PLEKHA7: variants seen among roughly 807,000 people sequenced by gnomAD.
PLEKHA7 encodes the protein pleckstrin homology domain containing A7, also known as pleckstrin homology domain-containing family A member 7.
Under a neutral mutation model 170.0 loss-of-function variants are expected in PLEKHA7, and 104 were observed. The ratio of observed to expected loss-of-function variants is 0.61; its 90% CI spans 0.52 to 0.72. The LOEUF is 0.72. Ranked by LOEUF, PLEKHA7 falls within the 30% of genes least tolerant of loss-of-function variation. PLEKHA7 has a pLI of 0.00. For synonymous variants in PLEKHA7, 648 were observed against 660.8 expected (o/e 0.98, Z 0.30); for missense variants, 1,615 against 1,671.7 (o/e 0.97, Z 0.59).
intron 3 of PLEKHA7, among the ~76,000 whole-genome samples, chr11:16,935,984 A>G (rs17773188): frequency 0.012 from 1,845 of 152,330 alleles, 20 homozygotes; most frequent in Non-Finnish European, 0.018. Context: ...ACTGCCTTCT[A>G]ATATTTTGAA....
chr11:16,840,101 C>T (rs1026345458), intron 9 of PLEKHA7, among the ~76,000 whole-genome samples: 1 of 152,186 alleles, frequency 6.6e-6, no homozygotes, highest in African/African-American at 2.4e-5. Context: ...GAAGTAGAGC[C>T]AAAATTGACG....
chr11:16,909,808 T>C (rs927486784), intron 3 of PLEKHA7, among the ~76,000 whole-genome samples: 1 of 152,192 alleles, frequency 6.6e-6, no homozygotes, highest in Non-Finnish European at 1.5e-5. Context: ...TTAACCATGC[T>C]CCTCTCTGGG....
At chr11:16,963,555 T>G (rs888302058) in intron 3 of PLEKHA7, among the ~76,000 whole-genome samples, 3 of 152,054 alleles carry the variant, frequency 2.0e-5, no homozygotes, top group African/African-American at 7.2e-5. Context: ...GCTGCAACAC[T>G]GGAGCTGTCG....
chr11:16,826,115 C>T lies in PLEKHA7; in HGVS notation c.1343+5G>A. On this transcript the variant is annotated splice_donor_5th_base_variant and intron_variant, in intron 10 of 26. Coordinates refer to ENST00000531066, the MANE Select transcript of PLEKHA7 (RefSeq NM_001329630.2). ...ATAAGCAGCGATCCTGAGTCTATTACTCACCTCCTGCTATCCCCTTTCTGG... is the reference window on the plus strand; with the variant it reads ...ATAAGCAGCGATCCTGAGTCTATTATTCACCTCCTGCTATCCCCTTTCTGG... The T allele has an allele frequency of 6.2e-7, 1 of 1,612,382 alleles. No homozygotes were observed. Among genetic ancestry groups the T allele is most frequent in the South Asian group, 1.1e-5 (1 of 90,914 alleles).
intron 3 of PLEKHA7, among the ~76,000 whole-genome samples, chr11:16,873,068 C>T (rs999032996): frequency 2.6e-5 from 4 of 152,014 alleles, no homozygotes; most frequent in Non-Finnish European, 4.4e-5. Flanking sequence ...GGTAAAATTA[C>T]TGAATCAAAG....
rs530122914 is a variant in PLEKHA7 at position 16,838,216 on chromosome 11, G to A, written c.872+3331C>T. Among the ~76,000 whole-genome samples the A allele has an allele frequency of 1.3e-3, 205 of 152,246 alleles. 1 individual carries two copies. The highest frequency in any genetic ancestry group is 5.2e-3 in the South Asian group (25 of 4,818). ...GCAATTCCCTTAACAGGAAATACACGTGCCCATTGAGCTGGGCATGGTGGC... is the reference window on the plus strand; with the variant it reads ...GCAATTCCCTTAACAGGAAATACACATGCCCATTGAGCTGGGCATGGTGGC... On this transcript the variant is annotated intron_variant, in intron 9 of 26. Coordinates refer to ENST00000531066, the MANE Select transcript of PLEKHA7 (RefSeq NM_001329630.2).
At chr11:16,958,691 A>C (rs1214421788) in intron 3 of PLEKHA7, among the ~76,000 whole-genome samples, 2 of 152,200 alleles carry the variant, frequency 1.3e-5, no homozygotes, top group African/African-American at 4.8e-5. Context: ...AGAATGTAAG[A>C]CCTCAATAAT....
Position 16,851,226 on chromosome 11 carries a change from G to A in PLEKHA7, c.661C>T (p.Pro221Ser), listed in dbSNP as rs1198497265. 1.9e-6 allele frequency: 3 copies of A among 1,610,680 alleles called. No individual in the cohort carries two copies. In the Admixed American group the frequency reaches 5.0e-5, roughly 27 times the overall value. ...LPSYVISPVA[P>S]EDRISRKYSF... Reference sequence around the variant, plus strand: ...TATTTGCGGCTTATGCGATCCTCAGGGGCCACAGGAGAGATCACGTAGCTG... The same window carrying A: ...TATTTGCGGCTTATGCGATCCTCAGAGGCCACAGGAGAGATCACGTAGCTG... Residue 221 changes from proline (P) to serine (S), a missense_variant, in exon 8 of 27, where the codon CCT becomes TCT. By Grantham distance (74) the Pro-to-Ser change is moderately conservative. Transcript: ENST00000531066.
chr11:16,882,202 T>G (rs1855766326), intron 3 of PLEKHA7, among the ~76,000 whole-genome samples: 1 of 152,192 alleles, frequency 6.6e-6, no homozygotes, highest in African/African-American at 2.4e-5. Flanking sequence ...TTGTCCTGAG[T>G]CCACTTAGGA....
At chr11:16,974,584 A>C in intron 3 of PLEKHA7, 1 of 409,126 alleles carries the variant, frequency 2.4e-6, no homozygotes, top group Non-Finnish European at 3.8e-6. Flanking sequence ...CTGACATGGT[A>C]ATACTATTAA....
intron 3 of PLEKHA7, among the ~76,000 whole-genome samples, chr11:17,012,010 A>T (rs1416008413): frequency 1.3e-5 from 2 of 152,112 alleles, no homozygotes; most frequent in East Asian, 3.9e-4. Flanking sequence ...TCCTAAACAC[A>T]GCCTGAATGT....
chr11:16,918,768 C>T (rs1858874608), intron 3 of PLEKHA7, among the ~76,000 whole-genome samples: 1 of 152,188 alleles, frequency 6.6e-6, no homozygotes, highest in African/African-American at 2.4e-5. Context: ...TGTACTTCCA[C>T]TTTTTTCCTT....
intron 9 of PLEKHA7, among the ~76,000 whole-genome samples, chr11:16,831,594 C>T (rs1351729978): frequency 1.3e-5 from 2 of 152,192 alleles, no homozygotes; most frequent in African/African-American, 2.4e-5. Context: ...ATTCCTGACA[C>T]TCAGTGGCCA....
At chr11:16,965,762 A>G (rs905775198) in intron 3 of PLEKHA7, among the ~76,000 whole-genome samples, 1 of 152,228 alleles carries the variant, frequency 6.6e-6, no homozygotes, top group Admixed American at 6.5e-5. Context: ...CGATCTTCCC[A>G]TCTATGAAAT....
rs1477491320 is a variant in PLEKHA7, at chr11:16,782,740, G to A, written c.3793+14C>T. On this transcript the variant is annotated intron_variant, in intron 26 of 26. Transcript: ENST00000531066. ...GGCAGGATCCAGGCCTTGGGGGCTG[G>A]GCCATGGCCTTACCTGCCACCTGCT... 4 of 1,535,596 alleles carry A rather than the reference G, an allele frequency of 2.6e-6. No individual in the cohort carries two copies. Among genetic ancestry groups the A allele is most frequent in the African/African-American group, 2.7e-5 (2 of 73,048 alleles).
intron 3 of PLEKHA7, among the ~76,000 whole-genome samples, chr11:16,881,932 C>T (rs1170644077): frequency 6.6e-6 from 1 of 152,178 alleles, no homozygotes; most frequent in Admixed American, 6.5e-5. Flanking sequence ...CCATGTGGCA[C>T]TCACTCCCAG....
intron 26 of PLEKHA7, 86 bp from the exon 27 acceptor site, chr11:16,779,106 G>A (rs116985654): frequency 0.012 from 8,393 of 699,152 alleles, 79 homozygotes; most frequent in Middle Eastern, 0.017. Flanking sequence ...GCAGATAGGC[G>A]GACAGGCAGA....
chr11:16,862,664 A>G (rs897872757), intron 4 of PLEKHA7, among the ~76,000 whole-genome samples: 2 of 152,178 alleles, frequency 1.3e-5, no homozygotes, highest in Admixed American at 6.5e-5. Flanking sequence ...CTGTGTGGCA[A>G]TGACTGCATC....
In PLEKHA7 at chr11:16,783,709, G is replaced by A; in HGVS notation, c.3641C>T (p.Ala1214Val). The change falls in exon 25 of 27, where the codon GCC becomes GTC. Residue 1214 changes from alanine (A) to valine (V), a missense_variant. Coordinates refer to ENST00000531066, the MANE Select transcript of PLEKHA7 (RefSeq NM_001329630.2). The stretch of plus-strand genomic sequence containing the variant: ...GCAAGCGAGGGCTGACCTTGACCGG[G>A]CGAGGATGTTGCGGATCTTCTCGGC... ...RKAEKIRNIL[A>V]RSSMCNLQPT... 2.7e-6 allele frequency: 4 copies of A among 1,467,222 alleles called. No homozygotes were observed. The highest frequency in any genetic ancestry group is 3.6e-6 in the Non-Finnish European group (4 of 1,112,998). The allele number at this position is 1,467,222 out of a possible 1,614,324, so 90.9% of individuals were successfully genotyped here.
Sources: gnomAD v4.1 joint callset for allele counts (sites outside exome capture counted in the v4.1 genomes callset) on GRCh38, gnomAD v4.1.1 for gene constraint, MANE v1.5 for transcripts, NCBI Gene and HGNC (gene_info 2026-07-23, HGNC 2026-07-21) for gene names.